Variants in FAF1 observed in about 807,000 individuals in gnomAD.
FAF1 encodes the protein FAS-associated factor 1.
In FAF1, 25 loss-of-function variants were observed where a neutral mutation model predicts 92.5. The ratio of observed to expected loss-of-function variants is 0.27; its 90% CI spans 0.20 to 0.38. FAF1 has a LOEUF of 0.38. Among genes scored for constraint, FAF1 ranks in the 10% least tolerant of loss-of-function variants. The pLI, the probability that FAF1 is intolerant of heterozygous loss-of-function variation, is 1.00. For missense variants in FAF1, 636 were observed against 793.3 expected, an observed-to-expected ratio of 0.80 and a Z score of 2.38; for synonymous variants, 234 against 273.2, an observed-to-expected ratio of 0.86 and a Z score of 1.42.
At chr1:50,688,240 T>C (rs1035148147) in intron 7 of FAF1, among the ~76,000 whole-genome samples, 1 of 152,158 alleles carries the variant, frequency 6.6e-6, no homozygotes, top group African/African-American at 2.4e-5. Context: ...CTGTTCTGCA[T>C]TGCTGGAGGA....
intron 1 of FAF1, among the ~76,000 whole-genome samples, chr1:50,915,347 G>A (rs1292269207): frequency 6.8e-6 from 1 of 146,992 alleles, no homozygotes. Flanking sequence ...TCCAGCCTGG[G>A]CAACAAGAGC....
chr1:50,799,166 A>G (rs1464822651), intron 3 of FAF1, among the ~76,000 whole-genome samples: 2 of 152,356 alleles, frequency 1.3e-5, no homozygotes, highest in South Asian at 4.1e-4. Flanking sequence ...ATCTTGAAGA[A>G]GACAGAGTAA....
At chr1:50,729,058 A>ATATATATATATTT (rs1375923156) in intron 6 of FAF1, among the ~76,000 whole-genome samples, 4 of 70,126 alleles carry the variant, frequency 5.7e-5, no homozygotes, top group East Asian at 3.1e-4. Flanking sequence ...ATATATATAT[A>ATATATATATATTT]TTTTTTTTTT....
chr1:50,658,037 A>G lies in FAF1; in HGVS notation c.658-2509T>C, dbSNP rs569657915. 3.3e-5 allele frequency among the ~76,000 whole-genome samples: 5 copies of G among 152,326 alleles called. No individual in the cohort carries two copies. In the East Asian group the frequency reaches 9.6e-4, roughly 29 times the overall value. The stretch of plus-strand genomic sequence containing the variant: ...AATGCAATTGGGTTAACCTCTAACC[A>G]CTTTCACTAGCTGTTATTATTTTGT... On this transcript the variant is annotated intron_variant, in intron 7 of 18. Coordinates refer to ENST00000396153, the MANE Select transcript of FAF1 (RefSeq NM_007051.3).
intron 15 of FAF1, among the ~76,000 whole-genome samples, chr1:50,497,703 C>T (rs1435625505): frequency 6.6e-6 from 1 of 151,846 alleles, no homozygotes; most frequent in Admixed American, 6.6e-5. Flanking sequence ...TGCATGCCAC[C>T]ATGCCCGGCT....
At chr1:50,494,508 C>T (rs58574309) in intron 15 of FAF1, among the ~76,000 whole-genome samples, 10,460 of 152,254 alleles carry the variant, frequency 0.069, 443 homozygotes, top group East Asian at 0.094. Flanking sequence ...ACAGGTCTTA[C>T]GTGTTGCCTA....
chr1:50,746,261 TATATATATATATATATATATATATATATA>T (rs1557506375), intron 4 of FAF1, among the ~76,000 whole-genome samples: 2 of 21,522 alleles, frequency 9.3e-5, no homozygotes, highest in African/African-American at 4.5e-4. Context: ...TATATATATA[TATATATATATATATATATATATATATATA>T]TATTTTTTTT....
At chr1:50,724,276 TAC>T (rs1281878722) in intron 6 of FAF1, among the ~76,000 whole-genome samples, 68 of 114,808 alleles carry the variant, frequency 5.9e-4, no homozygotes, top group South Asian at 2.1e-3. Flanking sequence ...TATATACATA[TAC>T]ACACACACAC....
intron 18 of FAF1, among the ~76,000 whole-genome samples, chr1:50,467,191 A>T (rs1646508082): frequency 6.6e-6 from 1 of 152,202 alleles, no homozygotes; most frequent in South Asian, 2.1e-4. Flanking sequence ...TGTGAAATAC[A>T]ACTAAGAGTA....
chr1:50,474,294 T>G (rs1174076516), intron 18 of FAF1, among the ~76,000 whole-genome samples: 2 of 152,194 alleles, frequency 1.3e-5, no homozygotes, highest in African/African-American at 2.4e-5. Context: ...GTTCCTTAAA[T>G]GACATGATTT....
chr1:50,691,571 G>A (rs957462987), intron 7 of FAF1, among the ~76,000 whole-genome samples: 1 of 151,592 alleles, frequency 6.6e-6, no homozygotes, highest in East Asian at 2.0e-4. Flanking sequence ...CATCCTAGTG[G>A]TGTGAAGGGG....
Position 50,943,797 on chromosome 1 carries a change from T to A in FAF1, c.45+15970A>T, listed in dbSNP as rs183532828. 1.4e-3 allele frequency among the ~76,000 whole-genome samples: 208 copies of A among 152,332 alleles called. 1 individual carries two copies. Among genetic ancestry groups the A allele is most frequent in the Non-Finnish European group, 2.1e-3 (142 of 68,010 alleles). On this transcript the variant is annotated intron_variant, in intron 1 of 18. Coordinates refer to ENST00000396153, the MANE Select transcript of FAF1 (RefSeq NM_007051.3). The stretch of plus-strand genomic sequence containing the variant: ...ACATTCAAAGGTAGAGGAAGGTCCA[T>A]GTTTCTAGGAGGGAGATAAGCTAAT...
chr1:50,935,663 G>A (rs1645080304), intron 1 of FAF1, among the ~76,000 whole-genome samples: 1 of 150,848 alleles, frequency 6.6e-6, no homozygotes, highest in Admixed American at 6.6e-5. Flanking sequence ...ACTAGAGATG[G>A]GGTTTCACCA....
At chr1:50,748,213 A>G (rs1372576720) in intron 4 of FAF1, among the ~76,000 whole-genome samples, 2 of 152,088 alleles carry the variant, frequency 1.3e-5, no homozygotes, top group Admixed American at 6.6e-5. Context: ...GTAAAGAAAA[A>G]TGCCAGGCGT....
chr1:50,490,511 GA>G, intron 17 of FAF1, 76 bp downstream of exon 17: 1 of 741,528 alleles, frequency 1.3e-6, no homozygotes. Context: ...AGGAAGGAAG[GA>G]AGGAAGGTAG....
chr1:50,717,813 G>A (rs1405419251), intron 6 of FAF1, among the ~76,000 whole-genome samples: 2 of 152,062 alleles, frequency 1.3e-5, no homozygotes, highest in Admixed American at 1.3e-4. Flanking sequence ...ACCAGCCTGC[G>A]CAACATAGCA....
intron 8 of FAF1, among the ~76,000 whole-genome samples, chr1:50,654,664 G>T (rs1295880407): frequency 6.6e-6 from 1 of 152,164 alleles, no homozygotes; most frequent in African/African-American, 2.4e-5. Context: ...TAACTTTTAA[G>T]TATCAGTCTA....
intron 4 of FAF1, among the ~76,000 whole-genome samples, chr1:50,766,491 T>C (rs1416178847): frequency 6.6e-6 from 1 of 152,106 alleles, no homozygotes; most frequent in Non-Finnish European, 1.5e-5. Flanking sequence ...GCCAACTAGC[T>C]GCAGCCAGGA....
intron 17 of FAF1, among the ~76,000 whole-genome samples, chr1:50,476,039 G>C (rs1646636155): frequency 6.6e-6 from 1 of 152,090 alleles, no homozygotes; most frequent in Non-Finnish European, 1.5e-5. Flanking sequence ...AAAGCTATTA[G>C]ATGCATTCAG....
Sources: gnomAD v4.1 joint callset for allele counts (sites outside exome capture counted in the v4.1 genomes callset) on GRCh38, gnomAD v4.1.1 for gene constraint, MANE v1.5 for transcripts, NCBI Gene and HGNC (gene_info 2026-07-23, HGNC 2026-07-21) for gene names.